The following MCRIP1 variants were observed in gnomAD, a reference collection of about 807,000 sequenced individuals.
MCRIP1 encodes mapk-regulated corepressor-interacting protein 1.
In MCRIP1, 10 loss-of-function variants were observed where a neutral mutation model predicts 14.4. That is an observed-to-expected ratio of 0.70 (90% confidence interval 0.43 to 1.18). MCRIP1 has a LOEUF of 1.18. Among genes scored for constraint, MCRIP1 ranks in the 50% most tolerant of loss-of-function variants. The probability of loss-of-function intolerance (pLI) is 0.00; values close to 1 mark genes in which losing one functional copy is unlikely to be tolerated. For missense variants in MCRIP1, 119 were observed against 135.4 expected (o/e 0.88, Z 0.60); for synonymous variants, 53 against 55.7 (o/e 0.95, Z 0.21).
chr17:81,827,775 CATTTT>C (rs980640650), intron 1 of MCRIP1, among the ~76,000 whole-genome samples: 1 of 134,590 alleles, frequency 7.4e-6, no homozygotes, highest in African/African-American at 2.9e-5. Flanking sequence ...TGCACCCATA[CATTTT>C]TTTTTTTTTT....
chr17:81,830,291 G>C (rs1421268101), intron 1 of MCRIP1, among the ~76,000 whole-genome samples: 1 of 152,236 alleles, frequency 6.6e-6, no homozygotes, highest in Non-Finnish European at 1.5e-5. Flanking sequence ...CCAATACGAT[G>C]ATGGACAGGA....
intron 1 of MCRIP1, among the ~76,000 whole-genome samples, chr17:81,829,410 C>T (rs1389366677): frequency 1.3e-5 from 2 of 152,236 alleles, no homozygotes; most frequent in Non-Finnish European, 2.9e-5. Context: ...GCCTCGGTCC[C>T]GTTTTCCTTC....
chr17:81,823,875 T>G lies in MCRIP1; in HGVS notation c.128-362A>C. On this transcript the variant is annotated intron_variant, in intron 3 of 4. Coordinates refer to ENST00000455127, the MANE Select transcript of MCRIP1 (RefSeq NM_207368.5). The surrounding 1 kb of genome is among the most constrained non-coding windows in gnomAD (Gnocchi z 6.0). ...GGCCCCAGCACACGGCACACTCCCC[T>G]AATCCCAGACAACCACCTCCCGGCC... 1 of 530,582 alleles carries G rather than the reference T, an allele frequency of 1.9e-6. No homozygotes were observed. The highest frequency in any genetic ancestry group is 3.3e-6 in the Non-Finnish European group (1 of 298,996). The allele number at this position is 530,582 out of a possible 1,614,324, so 32.9% of individuals were successfully genotyped here. A position where few individuals can be genotyped will look rare whatever the true frequency, so the allele number is the denominator to read the frequency against.
chr17:81,823,521 G>A lies in MCRIP1; in HGVS notation c.128-8C>T, dbSNP rs778817364. The A allele has an allele frequency of 2.0e-6, 3 of 1,535,616 alleles. No individual in the cohort carries two copies. Among genetic ancestry groups the A allele is most frequent in the Non-Finnish European group, 8.7e-7 (1 of 1,146,516 alleles). On this transcript the variant is annotated splice_region_variant and splice_polypyrimidine_tract_variant and intron_variant, in intron 3 of 4. Coordinates refer to ENST00000455127, the MANE Select transcript of MCRIP1 (RefSeq NM_207368.5). This position sits in a 1 kb window ranked among gnomAD's most constrained non-coding sequence, Gnocchi z 6.0. ...GCTCCACACCCTGCCAGGCTGCAGAGGCAGAGAGTGGTGTGCTCAGGGCCC... is the reference window on the plus strand; with the variant it reads ...GCTCCACACCCTGCCAGGCTGCAGAAGCAGAGAGTGGTGTGCTCAGGGCCC...
At chr17:81,826,691 C>T (rs1302235519) in intron 1 of MCRIP1, 25 of 357,352 alleles carry the variant, frequency 7.0e-5, no homozygotes, top group East Asian at 5.7e-4. Context: ...TGGTGGCAGG[C>T]ACCCGTAATC....
chr17:81,826,379 C>T lies in MCRIP1; in HGVS notation c.-48-1825G>A, dbSNP rs1405271068. 2.6e-6 allele frequency: 4 copies of T among 1,535,552 alleles called. No homozygotes were observed. The East Asian group carries it at 7.3e-5, about 28-fold the overall frequency. Reference sequence around the variant, plus strand: ...TGCGGCACACACCCATATGAACACACCTGGTGTGGCAGCATGCACTTGTAG... The same window carrying T: ...TGCGGCACACACCCATATGAACACATCTGGTGTGGCAGCATGCACTTGTAG... On this transcript the variant is annotated intron_variant, in intron 1 of 4. Transcript: ENST00000455127.
chr17:81,823,297 C>T lies in MCRIP1; in HGVS notation c.244G>A (p.Asp82Asn), dbSNP rs1053142633. ...CTCCGGCGCTTCAGGTCACTCAGGT[C>T]GATGGGCTTGAAGGCTGCCAGGGGA... is the stretch of plus-strand genomic sequence containing the variant. Reference protein sequence around the residue: ...NPSLKTFKPIDLSDLKRRSTQ... With the variant: ...NPSLKTFKPINLSDLKRRSTQ... The change falls in exon 5 of 5, where the codon GAC becomes AAC. Residue 82 changes from aspartate to asparagine, a missense_variant. By Grantham distance (23) the Asp-to-Asn change is conservative. Transcript: ENST00000455127. This position sits in a 1 kb window ranked among gnomAD's most constrained non-coding sequence, Gnocchi z 6.0. The T allele has an allele frequency of 2.6e-6, 4 of 1,536,944 alleles. No individual in the cohort carries two copies. The highest frequency in any genetic ancestry group is 3.5e-6 in the Non-Finnish European group (4 of 1,146,796).
intron 1 of MCRIP1, 104 bp downstream of exon 1, chr17:81,833,134 G>A (rs1307144690): frequency 6.8e-6 from 1 of 146,740 alleles, no homozygotes. Flanking sequence ...GCCCCGCCCG[G>A]CCCTGCAGGG....
rs2038304111 is a variant in MCRIP1 at position 81,823,102 on chromosome 17, G to T, written c.*145C>A. 7.9e-6 allele frequency: 6 copies of T among 755,926 alleles called. No individual in the cohort carries two copies. The highest frequency in any genetic ancestry group is 1.3e-5 in the Non-Finnish European group (6 of 452,544). The allele number at this position is 755,926 out of a possible 1,614,324, so 46.8% of individuals were successfully genotyped here. ...AAGGGGGCTTGGGAAGGAGAGGCAG[G>T]CCTCAGCCGTCAGTCACGCCAGTGC... On this transcript the variant is annotated 3_prime_UTR_variant, in exon 5 of 5. Coordinates refer to ENST00000455127, the MANE Select transcript of MCRIP1 (RefSeq NM_207368.5). This position sits in a 1 kb window ranked among gnomAD's most constrained non-coding sequence, Gnocchi z 6.0.
At chr17:81,833,001 G>A (rs1383034993) in intron 1 of MCRIP1, among the ~76,000 whole-genome samples, 1 of 151,634 alleles carries the variant, frequency 6.6e-6, no homozygotes, top group East Asian at 1.9e-4. Flanking sequence ...CGCTCAGTCC[G>A]AGCCGCGCCC....
Position 81,822,939 on chromosome 17 carries a change from A to C in MCRIP1, c.*308T>G. 1 of 532,846 alleles carries C rather than the reference A, an allele frequency of 1.9e-6. No homozygotes were observed. The highest frequency in any genetic ancestry group is 3.4e-6 in the Non-Finnish European group (1 of 296,268). 33.0% of individuals were successfully genotyped at this position (532,846 alleles called of 1,614,324 possible). ...TGGCCAGGGGCAGGAGGGTGAGGGGAGAGGAGAGAGGTCAGGTCAGGGCCC... is the reference window on the plus strand; with the variant it reads ...TGGCCAGGGGCAGGAGGGTGAGGGGCGAGGAGAGAGGTCAGGTCAGGGCCC... On this transcript the variant is annotated 3_prime_UTR_variant, in exon 5 of 5. Coordinates refer to ENST00000455127, the MANE Select transcript of MCRIP1 (RefSeq NM_207368.5).
chr17:81,830,147 C>T (rs1399651063), intron 1 of MCRIP1, among the ~76,000 whole-genome samples: 7 of 152,212 alleles, frequency 4.6e-5, no homozygotes, highest in East Asian at 1.9e-4. Flanking sequence ...TCTGGGGCCC[C>T]GGGCAAGCTC....
chr17:81,825,767 GT>G, intron 1 of MCRIP1: 1 of 1,289,386 alleles, frequency 7.8e-7, no homozygotes, highest in Non-Finnish European at 1.0e-6. Flanking sequence ...GCAGCACCCA[GT>G]TTGCTCACAA....
In MCRIP1 at chr17:81,824,403, G is replaced by C; in HGVS notation, c.11C>G (p.Ser4Cys). 1 of 1,533,894 alleles carries C rather than the reference G, an allele frequency of 6.5e-7. No individual in the cohort carries two copies. Among genetic ancestry groups the C allele is most frequent in the Non-Finnish European group, 8.7e-7 (1 of 1,144,928 alleles). Reference protein sequence around the residue: MTSSPVSRVVYNGK... With the variant: MTSCPVSRVVYNGK... The stretch of plus-strand genomic sequence containing the variant: ...GTTGTACACGACTCTGGAGACGGGG[G>C]AGCTGGGGGAGCCTGGCGCATGAGA... Residue 4 changes from serine (S) to cysteine (C), a missense_variant and splice_region_variant, in exon 3 of 5, where the codon TCC (serine) becomes TGC (cysteine). Transcript: ENST00000455127.
At chr17:81,832,555 C>A (rs2038540935) in intron 1 of MCRIP1, among the ~76,000 whole-genome samples, 1 of 152,238 alleles carries the variant, frequency 6.6e-6, no homozygotes, top group African/African-American at 2.4e-5. Flanking sequence ...GTCAAGCTGT[C>A]TTCTCTGCCC....
intron 1 of MCRIP1, among the ~76,000 whole-genome samples, chr17:81,826,949 C>T (rs2143232901): frequency 6.6e-6 from 1 of 151,494 alleles, no homozygotes; most frequent in East Asian, 2.0e-4. Flanking sequence ...GAAACCCTGT[C>T]TCTACTAAAA....
At position 81,830,891 on chromosome 17, in the gene MCRIP1, C is replaced by A. The variant is rs575285372; in HGVS notation, c.-49+2347G>T. On this transcript the variant is annotated intron_variant, in intron 1 of 4. Transcript: ENST00000455127. Reference sequence around the variant, plus strand: ...AAAAAAATACAAAAATTAGGCCAGGCGCAGTGGCTCATGCCTGTAATCCCA... The same window carrying A: ...AAAAAAATACAAAAATTAGGCCAGGAGCAGTGGCTCATGCCTGTAATCCCA... Among the ~76,000 whole-genome samples, 35 of 150,560 alleles carry A rather than the reference C, an allele frequency of 2.3e-4. 1 individual carries two copies. The highest frequency in any genetic ancestry group is 8.3e-4 in the African/African-American group (34 of 40,854).
intron 1 of MCRIP1, chr17:81,826,093 G>A (rs2038388644): frequency 6.8e-7 from 1 of 1,477,504 alleles, no homozygotes. Context: ...GTGGCCACTT[G>A]GCCTTTATGC....
intron 1 of MCRIP1, chr17:81,826,562 G>A (rs2038401847): frequency 1.7e-6 from 1 of 591,814 alleles, no homozygotes; most frequent in African/African-American, 1.9e-5. Flanking sequence ...GCTCACGCTT[G>A]TAATCCCAAC....
Sources: allele counts gnomAD v4.1 joint callset (sites outside exome capture counted in the v4.1 genomes callset), GRCh38; gene constraint gnomAD v4.1.1; non-coding constraint Gnocchi (gnomAD v3.1); transcripts MANE v1.5; gene names NCBI Gene and HGNC (gene_info 2026-07-23, HGNC 2026-07-21).